Variants in HSDL2 observed in about 807,000 individuals in gnomAD.
HSDL2 encodes the protein hydroxysteroid dehydrogenase like 2.
A neutral mutation model predicts 46.3 loss-of-function variants in HSDL2; 27 were observed. The observed-to-expected ratio is 0.58, with a 90% CI of 0.43 to 0.80. The LOEUF (loss-of-function observed/expected upper bound fraction) is 0.80. HSDL2 is among the 30% of genes least tolerant of loss of function. The pLI, the probability that HSDL2 is intolerant of heterozygous loss-of-function variation, is 0.00. For missense variants in HSDL2, 451 were observed against 502.7 expected (o/e 0.90, Z 0.98); for synonymous variants, 153 against 163.6 (o/e 0.94, Z 0.50).
At chr9:112,383,962 A>C (rs1344145076) in intron 1 of HSDL2, among the ~76,000 whole-genome samples, 1 of 152,180 alleles carries the variant, frequency 6.6e-6, no homozygotes, top group Non-Finnish European at 1.5e-5. Flanking sequence ...TCAGCCCCCG[A>C]AGTGCTAGGA....
chr9:112,445,317 G>C (rs897990125), intron 8 of HSDL2, among the ~76,000 whole-genome samples: 1 of 152,052 alleles, frequency 6.6e-6, no homozygotes, highest in Admixed American at 6.6e-5. Flanking sequence ...TTTCTCTTCT[G>C]TATTCTGGAG....
intron 9 of HSDL2, among the ~76,000 whole-genome samples, chr9:112,458,258 C>G (rs1361844671): frequency 1.3e-5 from 2 of 151,786 alleles, no homozygotes; most frequent in Non-Finnish European, 2.9e-5. Flanking sequence ...GCTTTCCTGA[C>G]CCTTTTTGAA....
At chr9:112,380,565 G>A (rs1173216865) in intron 1 of HSDL2, among the ~76,000 whole-genome samples, 1 of 152,120 alleles carries the variant, frequency 6.6e-6, no homozygotes, top group Non-Finnish European at 1.5e-5. Flanking sequence ...GTTTTCACTT[G>A]TTCCTGACGC....
At chr9:112,411,344 A>G (rs1466966129) in intron 4 of HSDL2, among the ~76,000 whole-genome samples, 2 of 152,220 alleles carry the variant, frequency 1.3e-5, no homozygotes, top group African/African-American at 4.8e-5. Flanking sequence ...GTAGGTCTCT[A>G]TTGAATGAAA....
rs1334516559 is a variant in HSDL2, at chr9:112,404,129, T to G, written c.152T>G (p.Leu51Arg). Residue 51 changes from leucine to arginine, a missense_variant, in exon 2 of 11, where the codon CTA becomes CGA. Physicochemically the swap from Leu to Arg is moderately radical, Grantham distance 102. Transcript: ENST00000398805. ...AKTAQPHPKL[L>R]GTIYTAAEEI... ...ACCGCCCAGCCACATCCAAAACTTC[T>G]AGGCACAATCTATACTGCTGCTGAA... 1 of 1,614,098 alleles carries G rather than the reference T, an allele frequency of 6.2e-7. No individual in the cohort carries two copies. Among genetic ancestry groups the G allele is most frequent in the Non-Finnish European group, 8.5e-7 (1 of 1,180,022 alleles).
chr9:112,390,567 C>A (rs578131245), intron 1 of HSDL2, among the ~76,000 whole-genome samples: 1 of 152,048 alleles, frequency 6.6e-6, no homozygotes, highest in South Asian at 2.1e-4. Flanking sequence ...AATCCTTCAC[C>A]TCAGCCTCCT....
At chr9:112,439,729 A>G (rs1168067095) in intron 7 of HSDL2, among the ~76,000 whole-genome samples, 2 of 152,266 alleles carry the variant, frequency 1.3e-5, no homozygotes, top group African/African-American at 2.4e-5. Flanking sequence ...TATATGCATT[A>G]TCTATTTAGC....
At chr9:112,381,308 C>T (rs934820112) in intron 1 of HSDL2, among the ~76,000 whole-genome samples, 1 of 152,140 alleles carries the variant, frequency 6.6e-6, no homozygotes, top group Non-Finnish European at 1.5e-5. Context: ...GGATTACAGG[C>T]ATGCACCGCT....
At chr9:112,433,169 G>C (rs939360512) in intron 6 of HSDL2, among the ~76,000 whole-genome samples, 1 of 152,164 alleles carries the variant, frequency 6.6e-6, no homozygotes, top group African/African-American at 2.4e-5. Context: ...ATCTCAAGGG[G>C]ATGTTGGAAT....
At chr9:112,403,251 C>T (rs1831649815) in intron 1 of HSDL2, among the ~76,000 whole-genome samples, 1 of 152,220 alleles carries the variant, frequency 6.6e-6, no homozygotes, top group Non-Finnish European at 1.5e-5. Flanking sequence ...AGCCTCCAAT[C>T]CCTCCCACTC....
Position 112,454,040 on chromosome 9 carries a change from A to C in HSDL2, c.893A>C (p.Lys298Thr), listed in dbSNP as rs771309866. The change falls in exon 9 of 11, where the codon AAA becomes ACA. Residue 298 changes from lysine to threonine, a missense_variant. Physicochemically the swap from Lys to Thr is moderately conservative, Grantham distance 78. Coordinates refer to ENST00000398805, the MANE Select transcript of HSDL2 (RefSeq NM_032303.5). ...GCTGTTCCAGAATTCAAAGAAGAGA[A>C]ACTGCAGCTGCAACCAAAACCACGT... is the stretch of plus-strand genomic sequence containing the variant. ...TGAVPEFKEEKLQLQPKPRSG... is the reference protein window; with the variant it reads ...TGAVPEFKEETLQLQPKPRSG... The C allele has an allele frequency of 4.3e-6, 7 of 1,613,856 alleles. No individual in the cohort carries two copies. The highest frequency in any genetic ancestry group is 1.3e-5 in the African/African-American group (1 of 74,918).
At chr9:112,389,577 A>G (rs1831293555) in intron 1 of HSDL2, among the ~76,000 whole-genome samples, 1 of 152,216 alleles carries the variant, frequency 6.6e-6, no homozygotes, top group East Asian at 1.9e-4. Flanking sequence ...GATGTATAAT[A>G]CCTTTCTGTA....
At chr9:112,406,872 T>C (rs1283214795) in intron 3 of HSDL2, among the ~76,000 whole-genome samples, 3 of 152,196 alleles carry the variant, frequency 2.0e-5, no homozygotes, top group Non-Finnish European at 2.9e-5. Flanking sequence ...AAAAAAGGTG[T>C]TGGGGATTGA....
At chr9:112,406,252 G>T (rs891636256) in intron 3 of HSDL2, among the ~76,000 whole-genome samples, 4 of 152,010 alleles carry the variant, frequency 2.6e-5, no homozygotes, top group Non-Finnish European at 4.4e-5. Context: ...TAGATGAAGA[G>T]AAATTACTTA....
chr9:112,416,442 ACAAAC>A (rs796914099), intron 4 of HSDL2, among the ~76,000 whole-genome samples: 10 of 143,428 alleles, frequency 7.0e-5, no homozygotes, highest in African/African-American at 3.0e-4. Context: ...AAAAAAAAAA[ACAAAC>A]AAAAAAAAAG....
chr9:112,393,066 C>T (rs909975559), intron 1 of HSDL2, among the ~76,000 whole-genome samples: 4 of 152,102 alleles, frequency 2.6e-5, no homozygotes, highest in Admixed American at 1.3e-4. Flanking sequence ...ACGCAGGATT[C>T]GTTGACTGGT....
Position 112,438,417 on chromosome 9 carries a change from TG to T in HSDL2, c.599-13del. On this transcript the variant is annotated splice_polypyrimidine_tract_variant and intron_variant, in intron 6 of 10. Coordinates refer to ENST00000398805, the MANE Select transcript of HSDL2 (RefSeq NM_032303.5). ...GGAGTTATGAGTGTATGTGTGTGTG[TG>T]TTTTCTCTACAGCCATACACACTGC... 6.5e-7 allele frequency: 1 copy of T among 1,532,690 alleles called. No homozygotes were observed. The highest frequency in any genetic ancestry group is 8.8e-7 in the Non-Finnish European group (1 of 1,139,172). The allele number at this position is 1,532,690 out of a possible 1,614,324, so 94.9% of individuals were successfully genotyped here.
At chr9:112,420,581 G>T (rs561579003) in intron 6 of HSDL2, among the ~76,000 whole-genome samples, 1 of 152,058 alleles carries the variant, frequency 6.6e-6, no homozygotes, top group South Asian at 2.1e-4. Flanking sequence ...TGAGATGGGA[G>T]GATCACTTAA....
At chr9:112,469,841 G>A (rs1328484337) in intron 10 of HSDL2, 4 of 152,170 alleles carry the variant, frequency 2.6e-5, no homozygotes, top group African/African-American at 4.8e-5. Context: ...ACTGACACTG[G>A]AATAAGAGTA....
Sources: allele counts gnomAD v4.1 joint callset (sites outside exome capture counted in the v4.1 genomes callset), GRCh38; gene constraint gnomAD v4.1.1; transcripts MANE v1.5; gene names NCBI Gene and HGNC (gene_info 2026-07-23, HGNC 2026-07-21).